Variants in RWDD2A observed in about 807,000 individuals in gnomAD.
RWDD2A encodes the protein RWD domain-containing protein 2A.
RWDD2A carries 15 observed loss-of-function variants against 23.1 expected under a neutral mutation model. The ratio of observed to expected loss-of-function variants is 0.65; its 90% confidence interval spans 0.43 to 1.00. The LOEUF is 1.00. Ranked by LOEUF, RWDD2A falls within the 50% of genes least tolerant of loss-of-function variation. RWDD2A has a pLI of 0.00. For synonymous variants in RWDD2A, 103 were observed against 123.0 expected (o/e 0.84, Z 1.08); for missense variants, 310 against 341.7 (o/e 0.91, Z 0.73).
Position 83,196,071 on chromosome 6 carries a change from C to T in RWDD2A, c.678C>T (p.Ser226=), listed in dbSNP as rs78640261. 377 of 1,613,440 alleles carry T rather than the reference C, an allele frequency of 2.3e-4. 3 individuals are homozygous for T. The East Asian group carries it at 8.2e-3, about 35-fold the overall frequency. The change falls in exon 3 of 3, where the codon AGC becomes AGT. Residue 226 remains serine (S), a synonymous_variant. Transcript: ENST00000369724. Reference sequence around the variant, plus strand: ...ACATTTCCTGTAAGCATGCTGAAAGCGTGGAGACAGAAGGAAATGGTGAGG... The same window carrying T: ...ACATTTCCTGTAAGCATGCTGAAAGTGTGGAGACAGAAGGAAATGGTGAGG... ...WKHISCKHAE[S]VETEGNGEDL... is the part of the protein sequence containing the mutation.
intron 1 of RWDD2A, chr6:83,193,915 G>GGA (rs1554260438): frequency 1.1e-5 from 1 of 91,138 alleles, no homozygotes. Context: ...CCGCGGTGTT[G>GGA]GGGGGGGGCG....
At chr6:83,195,343 T>C (rs1177360215) in intron 2 of RWDD2A, among the ~76,000 whole-genome samples, 1 of 152,236 alleles carries the variant, frequency 6.6e-6, no homozygotes, top group Non-Finnish European at 1.5e-5. Context: ...TCTCCTTCAC[T>C]AGGCCCTGGA....
Position 83,196,377 on chromosome 6 carries a change from C to A in RWDD2A, c.*105C>A. ...GCTGTGTAGCATCCTCAGTGCAAAACCCAGCTCCAGAATTTTCACCTGGTA... is the reference window on the plus strand; with the variant it reads ...GCTGTGTAGCATCCTCAGTGCAAAAACCAGCTCCAGAATTTTCACCTGGTA... On this transcript the variant is annotated 3_prime_UTR_variant, in exon 3 of 3. Transcript: ENST00000369724. 3.4e-6 allele frequency: 3 copies of A among 880,220 alleles called. No homozygotes were observed. The highest frequency in any genetic ancestry group is 6.0e-5 in the South Asian group (2 of 33,592). The allele number at this position is 880,220 out of a possible 1,614,324, so 54.5% of individuals were successfully genotyped here. A position where few individuals can be genotyped will look rare whatever the true frequency, so the allele number is the denominator to read the frequency against.
Position 83,196,642 on chromosome 6 carries a change from T to C in RWDD2A, c.*370T>C, listed in dbSNP as rs988245872. ...AAATATGAATAGCATTTGTTTCACA[T>C]TGCTAGCACACATGTGACACACCCA... On this transcript the variant is annotated 3_prime_UTR_variant, in exon 3 of 3. Transcript: ENST00000369724. The C allele has an allele frequency of 6.4e-6, 1 of 155,330 alleles. No individual in the cohort carries two copies. The highest frequency in any genetic ancestry group is 2.4e-5 in the African/African-American group (1 of 41,614). 9.6% of individuals were successfully genotyped at this position (155,330 alleles called of 1,614,324 possible).
chr6:83,194,242 G>A, intron 1 of RWDD2A, 70 bp from the exon 2 acceptor site: 1 of 545,380 alleles, frequency 1.8e-6, no homozygotes, highest in South Asian at 2.5e-5. Flanking sequence ...TGTTTTAGAG[G>A]ATGTTGTGCA....
intron 1 of RWDD2A, 80 bp from the exon 2 acceptor site, chr6:83,194,232 T>G (rs1583310882): frequency 2.1e-6 from 1 of 470,378 alleles, no homozygotes. Context: ...TTTTACGGAG[T>G]GTTTTAGAGG....
Position 83,195,661 on chromosome 6 carries a change from C to A in RWDD2A, c.268C>A (p.Arg90=), listed in dbSNP as rs372834337. ...CTATGTAGCATTGCAGCTGTTTGGACGGTCATCTGAACTTGACAGACATCA... is the reference window on the plus strand; with the variant it reads ...CTATGTAGCATTGCAGCTGTTTGGAAGGTCATCTGAACTTGACAGACATCA... ...YPYVALQLFG[R]SSELDRHQQL... The change falls in exon 3 of 3, where the codon CGG becomes AGG. Residue 90 remains arginine, a synonymous_variant. Transcript: ENST00000369724. 1.2e-6 allele frequency: 2 copies of A among 1,614,152 alleles called. No homozygotes were observed. The highest frequency in any genetic ancestry group is 2.2e-5 in the South Asian group (2 of 91,080).
intron 1 of RWDD2A, 142 bp downstream of exon 1, chr6:83,193,585 C>A (rs971360141): frequency 6.6e-6 from 1 of 152,058 alleles, no homozygotes; most frequent in Non-Finnish European, 1.5e-5. Context: ...GCCGGGGTTC[C>A]TAGTGGTCTT....
Position 83,194,526 on chromosome 6 carries a change from C to G in RWDD2A, c.75C>G (p.Asn25Lys), listed in dbSNP as rs1789473666. ...AAATGCTGTTTTCTATGTTTCCTAA[C>G]CAAGGAGAAGTAAAACTTGAAGATG... Reference protein sequence around the residue: ...EMEMLFSMFPNQGEVKLEDVN... With the variant: ...EMEMLFSMFPKQGEVKLEDVN... The change falls in exon 2 of 3, where the codon AAC (asparagine) becomes AAG (lysine). Residue 25 changes from asparagine (N) to lysine (K), a missense_variant. By Grantham distance (94) the Asn-to-Lys change is moderately conservative (BLOSUM62 0). Coordinates refer to ENST00000369724, the MANE Select transcript of RWDD2A (RefSeq NM_033411.5). The G allele has an allele frequency of 6.2e-7, 1 of 1,613,806 alleles. No individual in the cohort carries two copies. The highest frequency in any genetic ancestry group is 8.5e-7 in the Non-Finnish European group (1 of 1,179,954).
chr6:83,196,306 C>A lies in RWDD2A; in HGVS notation c.*34C>A. 6.8e-7 allele frequency: 1 copy of A among 1,472,850 alleles called. No homozygotes were observed. The highest frequency in any genetic ancestry group is 9.1e-7 in the Non-Finnish European group (1 of 1,100,810). 91.2% of individuals were successfully genotyped at this position (1,472,850 alleles called of 1,614,324 possible). ...TAAGAGGCCTATGCCTGTAATTTCA[C>A]TAAGTCAGTATTTCTGTTAATAAGA... On this transcript the variant is annotated 3_prime_UTR_variant, in exon 3 of 3. Transcript: ENST00000369724.
At position 83,196,061 on chromosome 6, in the gene RWDD2A, A is replaced by G. The variant is rs777449942; in HGVS notation, c.668A>G (p.His223Arg). 9.9e-6 allele frequency: 16 copies of G among 1,613,744 alleles called. No individual in the cohort carries two copies. Among genetic ancestry groups the G allele is most frequent in the South Asian group, 2.2e-5 (2 of 91,024 alleles). Residue 223 changes from histidine (H) to arginine (R), a missense_variant, in exon 3 of 3, where the codon CAT becomes CGT. By Grantham distance (29) the His-to-Arg change is conservative (BLOSUM62 0). Transcript: ENST00000369724. ...YPNWKHISCKHAESVETEGNG... is the reference protein window; with the variant it reads ...YPNWKHISCKRAESVETEGNG... ...AATTGGAAGCACATTTCCTGTAAGC[A>G]TGCTGAAAGCGTGGAGACAGAAGGA...
chr6:83,195,105 TTAGCA>T (rs1279101529), intron 2 of RWDD2A, among the ~76,000 whole-genome samples: 2 of 152,252 alleles, frequency 1.3e-5, no homozygotes, highest in Non-Finnish European at 2.9e-5. Flanking sequence ...TCCAGCAACA[TTAGCA>T]TAGCATAGGT....
rs1157175948 is a variant in RWDD2A, at chr6:83,196,019, A to G, written c.626A>G (p.His209Arg). 6.2e-7 allele frequency: 1 copy of G among 1,614,202 alleles called. No homozygotes were observed. The highest frequency in any genetic ancestry group is 1.1e-5 in the South Asian group (1 of 91,080). The part of the protein sequence containing the change: ...GFKEHCEEFW[H>R]TIRYPNWKHI... ...AAAGAGCACTGTGAGGAGTTCTGGC[A>G]CACAATTAGGTACCCCAATTGGAAG... The change falls in exon 3 of 3, where the codon CAC (histidine) becomes CGC (arginine). Residue 209 changes from histidine (H) to arginine (R), a missense_variant. Coordinates refer to ENST00000369724, the MANE Select transcript of RWDD2A (RefSeq NM_033411.5).
chr6:83,196,011 G>C lies in RWDD2A; in HGVS notation c.618G>C (p.Glu206Asp), dbSNP rs1416970639. The change falls in exon 3 of 3, where the codon GAG becomes GAC. Residue 206 changes from glutamate (E) to aspartate (D), a missense_variant. Transcript: ENST00000369724. ...AGGGTTTCAAAGAGCACTGTGAGGA[G>C]TTCTGGCACACAATTAGGTACCCCA... ...CVEGFKEHCE[E>D]FWHTIRYPNW... 2 of 1,614,218 alleles carry C rather than the reference G, an allele frequency of 1.2e-6. No individual in the cohort carries two copies. Among genetic ancestry groups the C allele is most frequent in the Non-Finnish European group, 1.7e-6 (2 of 1,180,028 alleles).
chr6:83,196,096 G>A lies in RWDD2A; in HGVS notation c.703G>A (p.Asp235Asn). The change falls in exon 3 of 3, where the codon GAC becomes AAC. Residue 235 changes from aspartate (D) to asparagine (N), a missense_variant. By Grantham distance (23) the Asp-to-Asn change is conservative. Coordinates refer to ENST00000369724, the MANE Select transcript of RWDD2A (RefSeq NM_033411.5). ...ESVETEGNGE[D>N]LRLFHSFEEL... is the part of the protein sequence containing the mutation. ...CGTGGAGACAGAAGGAAATGGTGAGGACCTGCGCCTTTTCCATTCTTTTGA... is the reference window on the plus strand; with the variant it reads ...CGTGGAGACAGAAGGAAATGGTGAGAACCTGCGCCTTTTCCATTCTTTTGA... 1 of 1,613,866 alleles carries A rather than the reference G, an allele frequency of 6.2e-7. No homozygotes were observed. The highest frequency in any genetic ancestry group is 8.5e-7 in the Non-Finnish European group (1 of 1,179,894).
rs1276688800 is a variant in RWDD2A at position 83,198,414 on chromosome 6, C to CAGAT, written c.*2145_*2148dup. The CAGAT allele has an allele frequency of 2.6e-5, 4 of 151,794 alleles. No individual in the cohort carries two copies. 9.4% of individuals were successfully genotyped at this position (151,794 alleles called of 1,614,324 possible). On this transcript the variant is annotated 3_prime_UTR_variant, in exon 3 of 3. Coordinates refer to ENST00000369724, the MANE Select transcript of RWDD2A (RefSeq NM_033411.5). ...TTTTTTCCTATCAGGAAAACTAATG[C>CAGAT]AGATAGTATTATGGGGACGTGTAGG...
At chr6:83,194,705 T>A in intron 2 of RWDD2A, 53 bp downstream of exon 2, 1 of 1,294,490 alleles carries the variant, frequency 7.7e-7, no homozygotes, top group Non-Finnish European at 1.1e-6. Context: ...AATTGAAACA[T>A]CTAGAACATG....
chr6:83,195,683 A>G lies in RWDD2A; in HGVS notation c.290A>G (p.His97Arg). Residue 97 changes from histidine to arginine, a missense_variant, in exon 3 of 3, where the codon CAT (histidine) becomes CGT (arginine). By Grantham distance (29) the His-to-Arg change is conservative (BLOSUM62 0). Transcript: ENST00000369724. ...LFGRSSELDR[H>R]QQLLLNKGLT... ...GGACGGTCATCTGAACTTGACAGAC[A>G]TCAGCAGCTACTTCTCAACAAAGGT... 1.2e-6 allele frequency: 2 copies of G among 1,614,206 alleles called. No individual in the cohort carries two copies. Among genetic ancestry groups the G allele is most frequent in the Non-Finnish European group, 1.7e-6 (2 of 1,180,014 alleles).
chr6:83,195,293 A>G (rs1789526667), intron 2 of RWDD2A, among the ~76,000 whole-genome samples: 1 of 152,222 alleles, frequency 6.6e-6, no homozygotes, highest in South Asian at 2.1e-4. Context: ...CACAATTGAA[A>G]TTAAATACTT....
Sources: allele counts gnomAD v4.1 joint callset (sites outside exome capture counted in the v4.1 genomes callset), GRCh38; gene constraint gnomAD v4.1.1; transcripts MANE v1.5; gene names NCBI Gene and HGNC (gene_info 2026-07-23, HGNC 2026-07-21).